Variants in DDX31 observed in about 807,000 individuals in gnomAD.
The protein encoded by DDX31 is DEAD-box helicase 31.
In DDX31, 70 loss-of-function variants were observed where a neutral mutation model predicts 91.3. The ratio of observed to expected loss-of-function variants is 0.77; its 90% CI spans 0.63 to 0.94. The LOEUF (loss-of-function observed/expected upper bound fraction) is 0.94, where lower values mean the gene tolerates loss of function less well. Among genes scored for constraint, DDX31 ranks in the 40% least tolerant of loss-of-function variants. The pLI is 0.00. For missense variants in DDX31, 902 were observed against 925.0 expected, an observed-to-expected ratio of 0.98 and a Z score of 0.32; for synonymous variants, 362 against 350.6, an observed-to-expected ratio of 1.03 and a Z score of -0.36.
chr9:132,605,203 T>C (rs113141780), intron 19 of DDX31, among the ~76,000 whole-genome samples: 2 of 152,184 alleles, frequency 1.3e-5, no homozygotes, highest in Non-Finnish European at 2.9e-5. Flanking sequence ...CTCTCAGAAT[T>C]ATAGGACATT....
chr9:132,619,737 G>A (rs189320287), intron 17 of DDX31, among the ~76,000 whole-genome samples: 8 of 151,936 alleles, frequency 5.3e-5, no homozygotes, highest in Non-Finnish European at 1.2e-4. Flanking sequence ...CTCAGGAGCC[G>A]TGTTACCAAA....
At chr9:132,630,714 C>T (rs906572931) in intron 15 of DDX31, among the ~76,000 whole-genome samples, 1 of 152,256 alleles carries the variant, frequency 6.6e-6, no homozygotes, top group Non-Finnish European at 1.5e-5. Flanking sequence ...CATCTTTTCA[C>T]TGTGGTGACT....
intron 6 of DDX31, among the ~76,000 whole-genome samples, chr9:132,657,610 T>C (rs1207485061): frequency 6.6e-6 from 1 of 152,250 alleles, no homozygotes; most frequent in African/African-American, 2.4e-5. Context: ...AAATATCAGG[T>C]AGGCTAGATA....
intron 19 of DDX31, among the ~76,000 whole-genome samples, chr9:132,605,666 G>A (rs538002702): frequency 6.6e-6 from 1 of 152,324 alleles, no homozygotes; most frequent in East Asian, 1.9e-4. Flanking sequence ...GAGACGTGAG[G>A]GTGTCTGCCT....
chr9:132,662,803 A>T, intron 1 of DDX31, 108 bp from the exon 2 acceptor site: 1 of 1,424,160 alleles, frequency 7.0e-7, no homozygotes, highest in Non-Finnish European at 9.6e-7. Context: ...CCCTGCAGAG[A>T]TCATTATGCC....
intron 19 of DDX31, among the ~76,000 whole-genome samples, chr9:132,604,581 T>G (rs1830907048): frequency 6.6e-6 from 1 of 152,180 alleles, no homozygotes; most frequent in Non-Finnish European, 1.5e-5. Flanking sequence ...TTCTTTCAAG[T>G]TCCCAGGGAC....
intron 6 of DDX31, among the ~76,000 whole-genome samples, chr9:132,654,994 G>A (rs895605461): frequency 1.3e-5 from 2 of 151,020 alleles, no homozygotes; most frequent in African/African-American, 4.9e-5. Context: ...GCAGCTGAGA[G>A]CATTGGAGGG....
At chr9:132,621,300 T>C (rs1057056114) in intron 17 of DDX31, among the ~76,000 whole-genome samples, 1 of 152,226 alleles carries the variant, frequency 6.6e-6, no homozygotes, top group Non-Finnish European at 1.5e-5. Flanking sequence ...TGGAAGGGTT[T>C]TGTTTTAATC....
At chr9:132,658,026 A>C (rs1156952374) in intron 6 of DDX31, 1 of 362,778 alleles carries the variant, frequency 2.8e-6, no homozygotes, top group Admixed American at 4.2e-5. Flanking sequence ...CCACATTGGA[A>C]CTTAGAAGGT....
intron 19 of DDX31, among the ~76,000 whole-genome samples, chr9:132,604,274 G>A (rs771411942): frequency 9.9e-5 from 15 of 152,114 alleles, no homozygotes; most frequent in Non-Finnish European, 2.1e-4. Flanking sequence ...CAGAAGAAAC[G>A]CAGTCACCTT....
intron 14 of DDX31, among the ~76,000 whole-genome samples, chr9:132,636,380 G>A (rs142424454): frequency 1.3e-5 from 2 of 152,228 alleles, no homozygotes; most frequent in African/African-American, 4.8e-5. Context: ...GTGAAGAACT[G>A]ATTTCTTGTC....
At chr9:132,638,293 T>TA (rs1833252080) in intron 14 of DDX31, 1 of 1,611,920 alleles carries the variant, frequency 6.2e-7, no homozygotes, top group African/African-American at 1.3e-5. Flanking sequence ...TGGTACTTCT[T>TA]ATCAACTCGT....
In DDX31 at chr9:132,654,860, T is replaced by C. The variant is rs367672384; in HGVS notation, c.589-2368A>G. 3.1e-4 allele frequency among the ~76,000 whole-genome samples: 45 copies of C among 144,886 alleles called. 1 individual carries two copies. Among genetic ancestry groups the C allele is most frequent in the African/African-American group, 1.1e-3 (41 of 38,894 alleles). On this transcript the variant is annotated intron_variant, in intron 6 of 19. Transcript: ENST00000372159. ...GCTTGGGAGCCTGAGGCAGGAGAACTGCTTGAATCCGGGAGGTGGAGGTTT... is the reference window on the plus strand; with the variant it reads ...GCTTGGGAGCCTGAGGCAGGAGAACCGCTTGAATCCGGGAGGTGGAGGTTT...
intron 19 of DDX31, among the ~76,000 whole-genome samples, chr9:132,598,163 C>G (rs918329487): frequency 2.0e-5 from 3 of 152,150 alleles, no homozygotes; most frequent in African/African-American, 7.2e-5. Context: ...ACAGCCACCT[C>G]AACAAAACCC....
At chr9:132,623,073 T>C (rs1832142143) in intron 17 of DDX31, among the ~76,000 whole-genome samples, 2 of 148,150 alleles carry the variant, frequency 1.3e-5, no homozygotes, top group Admixed American at 1.4e-4. Flanking sequence ...GAGGTTGCAA[T>C]AAGCTGAGGT....
rs372385164 is a variant in DDX31 at position 132,630,285 on chromosome 9, G to A, written c.1610C>T (p.Ser537Leu). 4 of 1,580,548 alleles carry A rather than the reference G, an allele frequency of 2.5e-6. No homozygotes were observed. The highest frequency in any genetic ancestry group is 2.7e-5 in the African/African-American group (2 of 74,372). The part of the protein sequence containing the change: ...LAPSEAEYVN[S>L]LASHKINVSE... ...TCACTTGATTTTGTGAGAAGCCAAC[G>A]AGTTGACATATTCTGCCTCCGAAGG... is the stretch of plus-strand genomic sequence containing the variant. Residue 537 changes from serine (S) to leucine (L), a missense_variant, in exon 16 of 20, where the codon TCG (serine) becomes TTG (leucine). Coordinates refer to ENST00000372159, the MANE Select transcript of DDX31 (RefSeq NM_022779.9).
At chr9:132,597,639 T>C (rs1589951429) in intron 19 of DDX31, among the ~76,000 whole-genome samples, 1 of 152,162 alleles carries the variant, frequency 6.6e-6, no homozygotes, top group African/African-American at 2.4e-5. Context: ...ACAGAAGCGG[T>C]GCGGGCTGCG....
chr9:132,654,033 G>C (rs2130805090), intron 6 of DDX31, among the ~76,000 whole-genome samples: 1 of 152,110 alleles, frequency 6.6e-6, no homozygotes, highest in South Asian at 2.1e-4. Flanking sequence ...ATATCAGCAA[G>C]AAAAAGATGG....
intron 13 of DDX31, among the ~76,000 whole-genome samples, chr9:132,644,716 A>G (rs1833713660): frequency 6.6e-6 from 1 of 152,180 alleles, no homozygotes; most frequent in Non-Finnish European, 1.5e-5. Flanking sequence ...GTAAAAACGG[A>G]TTCACAGGAT....
Sources: allele counts gnomAD v4.1 joint callset (sites outside exome capture counted in the v4.1 genomes callset), GRCh38; gene constraint gnomAD v4.1.1; transcripts MANE v1.5; gene names NCBI Gene and HGNC (gene_info 2026-07-23, HGNC 2026-07-21).